The following DENND6A variants were observed in gnomAD, a reference collection of about 807,000 sequenced individuals.
DENND6A encodes the protein protein DENND6A.
A neutral mutation model predicts 95.5 loss-of-function variants in DENND6A; 43 were observed. That is an observed-to-expected ratio of 0.45 (90% CI 0.35 to 0.58). The LOEUF is 0.58. Ranked by LOEUF, DENND6A falls within the 20% of genes least tolerant of loss-of-function variation. DENND6A has a pLI of 0.00. For synonymous variants in DENND6A, 257 were observed against 260.4 expected, an observed-to-expected ratio of 0.99 and a Z score of 0.13; for missense variants, 574 against 736.0, an observed-to-expected ratio of 0.78 and a Z score of 2.55.
At chr3:57,657,985 C>G (rs1447248917) in intron 8 of DENND6A, among the ~76,000 whole-genome samples, 2 of 151,994 alleles carry the variant, frequency 1.3e-5, no homozygotes, top group African/African-American at 4.8e-5. Context: ...GCCTGTAATC[C>G]CAGCACTTTG....
chr3:57,663,581 T>G, intron 5 of DENND6A, 55 bp downstream of exon 5: 1 of 1,312,024 alleles, frequency 7.6e-7, no homozygotes, highest in East Asian at 2.4e-5. Context: ...ACACTTTCTA[T>G]TTTTCTAATC....
intron 5 of DENND6A, among the ~76,000 whole-genome samples, 159 bp downstream of exon 5, chr3:57,663,477 A>AT (rs1284882860): frequency 1.6e-5 from 2 of 127,304 alleles, no homozygotes; most frequent in African/African-American, 7.0e-5. Context: ...AAAAAAAAAA[A>AT]AAAAAAAAAA....
chr3:57,635,904 G>A (rs150325472), intron 12 of DENND6A, among the ~76,000 whole-genome samples: 1 of 152,228 alleles, frequency 6.6e-6, no homozygotes, highest in East Asian at 1.9e-4. Context: ...AACCTACTCA[G>A]TGTGAAGGCT....
intron 12 of DENND6A, among the ~76,000 whole-genome samples, chr3:57,641,230 A>T (rs1467470946): frequency 6.9e-6 from 1 of 144,076 alleles, no homozygotes. Context: ...TATATATTTA[A>T]ATATTTAAAT....
At chr3:57,638,283 A>G (rs2070842990) in intron 12 of DENND6A, among the ~76,000 whole-genome samples, 1 of 148,736 alleles carries the variant, frequency 6.7e-6, no homozygotes, top group African/African-American at 2.5e-5. Flanking sequence ...TATAACTAAA[A>G]AAAAAAAACC....
chr3:57,650,815 G>A (rs1345610159), intron 9 of DENND6A, among the ~76,000 whole-genome samples: 2 of 124,854 alleles, frequency 1.6e-5, no homozygotes, highest in Admixed American at 1.8e-4. Context: ...ATGGAGTTTT[G>A]CTCTTGTTGC....
chr3:57,662,218 T>C (rs1342666059), intron 5 of DENND6A, among the ~76,000 whole-genome samples: 1 of 114,368 alleles, frequency 8.7e-6, no homozygotes, highest in African/African-American at 3.2e-5. Flanking sequence ...TGAGACAAGG[T>C]CTCACTCTGT....
At position 57,634,516 on chromosome 3, in the gene DENND6A, T is replaced by G. The variant is rs1212870134; in HGVS notation, c.1263+42A>C. 7.8e-6 allele frequency: 9 copies of G among 1,154,718 alleles called. No homozygotes were observed. The African/African-American group carries it at 1.4e-4, about 18-fold the overall frequency. 71.5% of individuals were successfully genotyped at this position (1,154,718 alleles called of 1,614,324 possible). ...ATTGCGTAACTGGATATTACATACC[T>G]GAACAAGGAAATTTAAATTAATAAT... On this transcript the variant is annotated intron_variant, in intron 14 of 19. Transcript: ENST00000311128.
At chr3:57,678,965 A>G (rs565870892) in intron 1 of DENND6A, among the ~76,000 whole-genome samples, 3 of 152,214 alleles carry the variant, frequency 2.0e-5, no homozygotes, top group Non-Finnish European at 4.4e-5. Context: ...TTAGCTGGGC[A>G]TGGTGGCACA....
intron 14 of DENND6A, 35 bp downstream of exon 14, chr3:57,634,523 G>A: frequency 1.7e-6 from 2 of 1,203,852 alleles, no homozygotes; most frequent in South Asian, 1.9e-5. Context: ...ACCTGAACAA[G>A]GAAATTTAAA....
In DENND6A at chr3:57,630,411, GT is replaced by G. The variant is rs769737156; in HGVS notation, c.1620+9del. 3 of 1,574,176 alleles carry G rather than the reference GT, an allele frequency of 1.9e-6. No homozygotes were observed. Among genetic ancestry groups the G allele is most frequent in the Non-Finnish European group, 2.6e-6 (3 of 1,169,778 alleles). On this transcript the variant is annotated intron_variant, in intron 18 of 19. Coordinates refer to ENST00000311128, the MANE Select transcript of DENND6A (RefSeq NM_152678.3). ...TTGTTAATCATTACACAAACACACA[GT>G]TTTCGAACCTCTTCACAAAGAGCTT...
intron 1 of DENND6A, among the ~76,000 whole-genome samples, chr3:57,676,628 T>C (rs373009875): frequency 3.3e-5 from 5 of 151,830 alleles, no homozygotes; most frequent in South Asian, 4.1e-4. Flanking sequence ...GCTTAAGATA[T>C]AGCTAAGTAA....
intron 9 of DENND6A, chr3:57,654,740 G>A (rs2071289342): frequency 1.0e-6 from 1 of 985,326 alleles, no homozygotes; most frequent in Non-Finnish European, 1.2e-6. Flanking sequence ...CCTAGTGAAA[G>A]GAGCGCCTAC....
chr3:57,631,555 C>T (rs2153411961), intron 15 of DENND6A, among the ~76,000 whole-genome samples: 1 of 152,128 alleles, frequency 6.6e-6, no homozygotes, highest in East Asian at 1.9e-4. Context: ...CCAGATAATG[C>T]ACTCAACATT....
intron 9 of DENND6A, among the ~76,000 whole-genome samples, chr3:57,657,301 A>G (rs2071345617): frequency 6.6e-6 from 1 of 152,198 alleles, no homozygotes. Flanking sequence ...AATGATTAAT[A>G]TTTGCCATTT....
In DENND6A at chr3:57,657,682, G is replaced by T; in HGVS notation, c.816C>A (p.Phe272Leu). ...ILPTVHEVDI[F>L]RCFCPVFLHS... ...TAATAAAATTTTTTATTCTTTACCT[G>T]AAAATATCCACCTCATGAACAGTAG... Residue 272 changes from phenylalanine (F) to leucine (L), a missense_variant and splice_region_variant, in exon 9 of 20, where the codon TTC becomes TTA. Transcript: ENST00000311128. 1 of 1,566,392 alleles carries T rather than the reference G, an allele frequency of 6.4e-7. No homozygotes were observed. The highest frequency in any genetic ancestry group is 1.2e-5 in the South Asian group (1 of 86,704).
intron 12 of DENND6A, among the ~76,000 whole-genome samples, chr3:57,636,897 A>G (rs765937355): frequency 1.3e-5 from 2 of 149,370 alleles, no homozygotes; most frequent in Non-Finnish European, 3.0e-5. Flanking sequence ...AGATTGTGTC[A>G]CTACACTCCA....
chr3:57,638,766 A>T (rs1051082113), intron 12 of DENND6A, among the ~76,000 whole-genome samples: 1 of 152,024 alleles, frequency 6.6e-6, no homozygotes, highest in Admixed American at 6.6e-5. Flanking sequence ...CCCACAATAA[A>T]ATACTAACTC....
chr3:57,688,748 T>C (rs563719597), intron 1 of DENND6A, among the ~76,000 whole-genome samples: 1 of 152,154 alleles, frequency 6.6e-6, no homozygotes, highest in South Asian at 2.1e-4. Flanking sequence ...GGTTCATCCT[T>C]GCTTCCCACA....
Sources: gnomAD v4.1 joint callset for allele counts (sites outside exome capture counted in the v4.1 genomes callset) on GRCh38, gnomAD v4.1.1 for gene constraint, MANE v1.5 for transcripts, NCBI Gene and HGNC (gene_info 2026-07-23, HGNC 2026-07-21) for gene names.